CARMIL1: variants seen among roughly 807,000 people sequenced by gnomAD.
CARMIL1 encodes capping protein regulator and myosin 1 linker 1.
CARMIL1 carries 90 observed loss-of-function variants against 177.1 expected under a neutral mutation model. That is an observed-to-expected ratio of 0.51 (90% confidence interval 0.43 to 0.61). CARMIL1 has a LOEUF of 0.61. Ranked by LOEUF, CARMIL1 falls within the 20% of genes least tolerant of loss-of-function variation. CARMIL1 has a pLI of 0.00. For missense variants in CARMIL1, 1,380 were observed against 1,667.0 expected (o/e 0.83, Z 3.00); for synonymous variants, 577 against 606.2 (o/e 0.95, Z 0.71).
chr6:25,540,813 G>A (rs1422020239), intron 26 of CARMIL1, among the ~76,000 whole-genome samples: 1 of 152,142 alleles, frequency 6.6e-6, no homozygotes, highest in Non-Finnish European at 1.5e-5. Context: ...ACAGCATGTA[G>A]GGATTTGAAA....
At chr6:25,475,906 T>G (rs900203643) in intron 11 of CARMIL1, among the ~76,000 whole-genome samples, 1 of 152,234 alleles carries the variant, frequency 6.6e-6, no homozygotes, top group African/African-American at 2.4e-5. Flanking sequence ...TACTTCATTC[T>G]GCCCACATGA....
In CARMIL1 at chr6:25,600,344, T is replaced by A. The variant is rs1374518163; in HGVS notation, c.3150T>A (p.His1050Gln). 6.2e-7 allele frequency: 1 copy of A among 1,613,050 alleles called. No individual in the cohort carries two copies. Among genetic ancestry groups the A allele is most frequent in the African/African-American group, 1.3e-5 (1 of 74,860 alleles). Residue 1050 changes from histidine (H) to glutamine (Q), a missense_variant, in exon 33 of 37, where the codon CAT becomes CAA. Transcript: ENST00000329474. ...KKWSTRGSES[H>Q]ELNEGGDEKK... ...GGTCAACAAGAGGCTCAGAGTCCCA[T>A]GAGCTTAATGAAGGAGGAGATGAAA...
chr6:25,558,137 A>G lies in CARMIL1; in HGVS notation c.2742+1287A>G, dbSNP rs939515376. On this transcript the variant is annotated intron_variant, in intron 29 of 36. Transcript: ENST00000329474. The surrounding 1 kb of genome is among the most constrained non-coding windows in gnomAD (Gnocchi z 4.1). ...TTTGAGGCATTAGAAGTTGGACACT[A>G]TGTTATAGGATAATTGTTCTGGAAA... Among the ~76,000 whole-genome samples the G allele has an allele frequency of 6.6e-6, 1 of 152,208 alleles. No individual in the cohort carries two copies. Among genetic ancestry groups the G allele is most frequent in the Non-Finnish European group, 1.5e-5 (1 of 68,020 alleles).
At chr6:25,569,874 T>A (rs1811905178) in intron 29 of CARMIL1, among the ~76,000 whole-genome samples, 1 of 152,008 alleles carries the variant, frequency 6.6e-6, no homozygotes, top group Non-Finnish European at 1.5e-5. Context: ...TTTTCCCCTT[T>A]GTTTATGTTT....
intron 27 of CARMIL1, among the ~76,000 whole-genome samples, chr6:25,552,041 TTTTGTTTG>T (rs112076265): frequency 3.9e-5 from 6 of 151,976 alleles, no homozygotes; most frequent in East Asian, 1.9e-4. Flanking sequence ...CTCAGGTCTT[TTTTGTTTG>T]TTTGTTTGTT....
chr6:25,517,844 G>A (rs569658620), intron 22 of CARMIL1, among the ~76,000 whole-genome samples: 2 of 152,300 alleles, frequency 1.3e-5, no homozygotes, highest in East Asian at 1.9e-4. Flanking sequence ...TTGATAAATG[G>A]TAAGCCCAGG....
At chr6:25,333,605 A>G (rs1039371672) in intron 2 of CARMIL1, among the ~76,000 whole-genome samples, 3 of 152,140 alleles carry the variant, frequency 2.0e-5, no homozygotes, top group African/African-American at 7.2e-5. Context: ...TAAGAGGAGG[A>G]TTAGTAAACA....
At chr6:25,413,487 C>T (rs566515175) in intron 2 of CARMIL1, among the ~76,000 whole-genome samples, 3 of 152,298 alleles carry the variant, frequency 2.0e-5, no homozygotes, top group Admixed American at 2.0e-4. Context: ...TGAGCAGATT[C>T]CATAGTTGAC....
chr6:25,430,232 T>TTG (rs1796626716), intron 4 of CARMIL1, among the ~76,000 whole-genome samples: 1 of 151,520 alleles, frequency 6.6e-6, no homozygotes, highest in African/African-American at 2.4e-5. Context: ...CTTTTTTTTT[T>TTG]TTTTTAACAT....
chr6:25,533,412 T>G (rs2151112809), intron 24 of CARMIL1, among the ~76,000 whole-genome samples: 1 of 152,266 alleles, frequency 6.6e-6, no homozygotes. Context: ...TAAGCCTCAG[T>G]TTTTTCATCT....
At chr6:25,462,202 T>C (rs1232643602) in intron 8 of CARMIL1, among the ~76,000 whole-genome samples, 1 of 152,180 alleles carries the variant, frequency 6.6e-6, no homozygotes, top group African/African-American at 2.4e-5. Flanking sequence ...TTTTTTTATT[T>C]TTGTATTTTG....
intron 2 of CARMIL1, among the ~76,000 whole-genome samples, chr6:25,397,747 A>G (rs955656157): frequency 6.6e-6 from 1 of 152,086 alleles, no homozygotes; most frequent in Non-Finnish European, 1.5e-5. Flanking sequence ...TCCTTGGGAC[A>G]TCATCTCTTT....
At chr6:25,611,416 T>A (rs1816494398) in intron 36 of CARMIL1, among the ~76,000 whole-genome samples, 1 of 152,242 alleles carries the variant, frequency 6.6e-6, no homozygotes, top group South Asian at 2.1e-4. Context: ...GAAGGACCTT[T>A]GGTGATGCCA....
At chr6:25,495,910 G>C (rs1356877920) in intron 16 of CARMIL1, among the ~76,000 whole-genome samples, 1 of 152,012 alleles carries the variant, frequency 6.6e-6, no homozygotes, top group Non-Finnish European at 1.5e-5. Flanking sequence ...GTCTAAAGAA[G>C]GTATTTTCAA....
At chr6:25,311,041 G>T (rs946655230) in intron 2 of CARMIL1, among the ~76,000 whole-genome samples, 3 of 149,714 alleles carry the variant, frequency 2.0e-5, no homozygotes, top group African/African-American at 7.5e-5. Flanking sequence ...AACTGGCCGG[G>T]TGTGGTGGTG....
intron 2 of CARMIL1, among the ~76,000 whole-genome samples, chr6:25,386,298 G>C (rs1311799218): frequency 2.1e-4 from 32 of 152,124 alleles, no homozygotes; most frequent in Non-Finnish European, 1.5e-5. Flanking sequence ...TGTCGCCCAG[G>C]CTGGAGTGCA....
At position 25,619,829 on chromosome 6, in the gene CARMIL1, T is replaced by C. The variant is rs9393651; in HGVS notation, c.*246T>C. The C allele has an allele frequency of 1.4e-3, 376 of 266,152 alleles. 2 individuals are homozygous for C. The highest frequency in any genetic ancestry group is 0.012 in the East Asian group (172 of 14,480). 16.5% of individuals were successfully genotyped at this position (266,152 alleles called of 1,614,324 possible). ...TTTGGTCTTCCTCCAACCCTTTGCA[T>C]TTGATTTCTAAACATTCCTTCATAT... On this transcript the variant is annotated 3_prime_UTR_variant, in exon 37 of 37. Coordinates refer to ENST00000329474, the MANE Select transcript of CARMIL1 (RefSeq NM_017640.6).
At chr6:25,419,588 C>G (rs1180872236) in intron 2 of CARMIL1, among the ~76,000 whole-genome samples, 1 of 152,154 alleles carries the variant, frequency 6.6e-6, no homozygotes, top group Non-Finnish European at 1.5e-5. Context: ...AGAGGCACAG[C>G]TGAGAAGCAA....
chr6:25,592,966 G>C (rs1195543596), intron 31 of CARMIL1, among the ~76,000 whole-genome samples: 1 of 152,172 alleles, frequency 6.6e-6, no homozygotes, highest in Admixed American at 6.5e-5. Context: ...TCCTTTCAAA[G>C]AGACATGCTA....
Sources: allele counts gnomAD v4.1 joint callset (sites outside exome capture counted in the v4.1 genomes callset), GRCh38; gene constraint gnomAD v4.1.1; non-coding constraint Gnocchi (gnomAD v3.1); transcripts MANE v1.5; gene names NCBI Gene and HGNC (gene_info 2026-07-23, HGNC 2026-07-21).